MAGI2: variants seen among roughly 807,000 people sequenced by gnomAD.
MAGI2 encodes the protein membrane associated guanylate kinase, WW and PDZ domain containing 2.
A neutral mutation model predicts 133.3 loss-of-function variants in MAGI2; 35 were observed. That is an observed-to-expected ratio of 0.26 (90% CI 0.20 to 0.35). The LOEUF (loss-of-function observed/expected upper bound fraction) is 0.35, where lower values mean the gene tolerates loss of function less well. Ranked by LOEUF, MAGI2 falls within the 10% of genes least tolerant of loss-of-function variation. The pLI, the probability that MAGI2 is intolerant of heterozygous loss-of-function variation, is 1.00. For synonymous variants in MAGI2, 729 were observed against 710.6 expected, an observed-to-expected ratio of 1.03 and a Z score of -0.41; for missense variants, 1,636 against 1,863.4, an observed-to-expected ratio of 0.88 and a Z score of 2.25.
chr7:79,432,014 A>G (rs941027105), intron 1 of MAGI2, among the ~76,000 whole-genome samples: 1 of 152,216 alleles, frequency 6.6e-6, no homozygotes, highest in Non-Finnish European at 1.5e-5. Flanking sequence ...CATAGAGTTA[A>G]TGTGAGCCTT....
chr7:79,128,455 A>G (rs1820627947), intron 1 of MAGI2, among the ~76,000 whole-genome samples: 1 of 152,158 alleles, frequency 6.6e-6, no homozygotes, highest in East Asian at 1.9e-4. Flanking sequence ...AAAAACTCTA[A>G]GTTGTAAGAC....
chr7:78,229,153 G>C (rs2150867516), intron 10 of MAGI2, among the ~76,000 whole-genome samples: 2 of 152,352 alleles, frequency 1.3e-5, no homozygotes, highest in East Asian at 3.9e-4. Flanking sequence ...GAGAGAATGG[G>C]AATGGTCTGT....
intron 1 of MAGI2, among the ~76,000 whole-genome samples, chr7:79,069,909 C>A (rs1377940570): frequency 6.6e-6 from 1 of 152,102 alleles, no homozygotes; most frequent in African/African-American, 2.4e-5. Flanking sequence ...AAATTCTTTT[C>A]TTTAAGAATG....
intron 1 of MAGI2, among the ~76,000 whole-genome samples, chr7:79,081,394 A>G (rs1816022282): frequency 6.6e-6 from 1 of 152,154 alleles, no homozygotes; most frequent in South Asian, 2.1e-4. Flanking sequence ...ATACTCAATT[A>G]TTGTCTATCT....
intron 1 of MAGI2, among the ~76,000 whole-genome samples, chr7:79,147,301 A>G (rs1585044287): frequency 6.6e-6 from 1 of 152,362 alleles, no homozygotes; most frequent in East Asian, 1.9e-4. Flanking sequence ...AAAATAATAT[A>G]TGAAGTAATC....
intron 12 of MAGI2, among the ~76,000 whole-genome samples, chr7:78,186,893 A>G (rs1233247399): frequency 6.6e-6 from 1 of 152,016 alleles, no homozygotes; most frequent in Non-Finnish European, 1.5e-5. Context: ...CTATTCCTTC[A>G]TGGTTCTGTC....
intron 3 of MAGI2, among the ~76,000 whole-genome samples, chr7:78,557,088 A>AAAAAAAAAG (rs1799905822): frequency 6.9e-6 from 1 of 145,760 alleles, no homozygotes; most frequent in African/African-American, 2.6e-5. Context: ...CTCAAAAAAA[A>AAAAAAAAAG]AAAAAAAAAA....
rs1047795246 is a variant in MAGI2, at chr7:78,256,463, G to C, written c.1527C>G (p.Gly509=). The change falls in exon 10 of 22, where the codon GGC becomes GGG. Residue 509 remains glycine, a synonymous_variant. Transcript: ENST00000354212. ...GQSVNLVLCR[G]YPLPFDPEDP... ...CTTCAGGATCAAAGGGCAAAGGGTAGCCACGACACAACACCAGGTTGACAC... is the reference window on the plus strand; with the variant it reads ...CTTCAGGATCAAAGGGCAAAGGGTACCCACGACACAACACCAGGTTGACAC... 2 of 1,613,856 alleles carry C rather than the reference G, an allele frequency of 1.2e-6. No homozygotes were observed. The highest frequency in any genetic ancestry group is 1.7e-6 in the Non-Finnish European group (2 of 1,179,932).
chr7:78,122,697 C>T (rs186825223), intron 20 of MAGI2, among the ~76,000 whole-genome samples: 72 of 152,276 alleles, frequency 4.7e-4, no homozygotes, highest in African/African-American at 1.6e-3. Context: ...TAAGAGCAAA[C>T]GATCTCCTTT....
chr7:79,246,776 G>A (rs1832853229), intron 1 of MAGI2, among the ~76,000 whole-genome samples: 1 of 152,126 alleles, frequency 6.6e-6, no homozygotes, highest in Non-Finnish European at 1.5e-5. Flanking sequence ...ACCAGAGAAA[G>A]ATACCAATAT....
At chr7:78,922,549 T>A (rs1799344525) in intron 2 of MAGI2, among the ~76,000 whole-genome samples, 1 of 151,976 alleles carries the variant, frequency 6.6e-6, no homozygotes, top group Non-Finnish European at 1.5e-5. Context: ...TGCATAGTAT[T>A]CCATGGTGTA....
chr7:79,167,664 T>C (rs1427918165), intron 1 of MAGI2, among the ~76,000 whole-genome samples: 1 of 152,098 alleles, frequency 6.6e-6, no homozygotes, highest in Non-Finnish European at 1.5e-5. Flanking sequence ...TTGCTGAATC[T>C]TTCAGCAGCA....
chr7:78,721,041 C>G (rs1244622516), intron 2 of MAGI2, among the ~76,000 whole-genome samples: 1 of 151,962 alleles, frequency 6.6e-6, no homozygotes, highest in South Asian at 2.1e-4. Flanking sequence ...AAGAGTTGGA[C>G]CTAACGTTTA....
chr7:79,444,727 G>T (rs1848723378), intron 1 of MAGI2, among the ~76,000 whole-genome samples: 1 of 152,096 alleles, frequency 6.6e-6, no homozygotes, highest in South Asian at 2.1e-4. Context: ...TTGTGAAAAT[G>T]GCCATACTGC....
chr7:79,068,508 G>A (rs1262017552), intron 1 of MAGI2, among the ~76,000 whole-genome samples: 2 of 151,870 alleles, frequency 1.3e-5, no homozygotes, highest in Admixed American at 6.6e-5. Flanking sequence ...TCTGGCTAGT[G>A]GTCTATTTTG....
intron 21 of MAGI2, among the ~76,000 whole-genome samples, chr7:78,049,089 C>G (rs776126653): frequency 6.8e-4 from 92 of 136,266 alleles, no homozygotes; most frequent in Non-Finnish European, 1.0e-3. Flanking sequence ...GCCTGCGCAA[C>G]AGAGTGAGAC....
At chr7:79,390,992 T>TA (rs1489911162) in intron 1 of MAGI2, among the ~76,000 whole-genome samples, 1 of 152,160 alleles carries the variant, frequency 6.6e-6, no homozygotes, top group Admixed American at 6.6e-5. Context: ...TCAAATATCT[T>TA]ACTCTGAGAG....
intron 21 of MAGI2, among the ~76,000 whole-genome samples, chr7:78,030,525 G>A (rs1051276210): frequency 6.6e-6 from 1 of 152,170 alleles, no homozygotes; most frequent in African/African-American, 2.4e-5. Flanking sequence ...AAAATGCTGG[G>A]ATTACAGGCA....
intron 10 of MAGI2, among the ~76,000 whole-genome samples, chr7:78,217,114 C>T (rs73702833): frequency 4.5e-4 from 69 of 152,276 alleles, no homozygotes; most frequent in African/African-American, 1.6e-3. Flanking sequence ...TTTTAATTAA[C>T]GACCTCTGGA....
Sources: allele counts gnomAD v4.1 joint callset (sites outside exome capture counted in the v4.1 genomes callset), GRCh38; gene constraint gnomAD v4.1.1; transcripts MANE v1.5; gene names NCBI Gene and HGNC (gene_info 2026-07-23, HGNC 2026-07-21).